APBA2: variants seen among roughly 807,000 people sequenced by gnomAD.
APBA2 encodes amyloid beta precursor protein binding family A member 2.
Under a neutral mutation model 75.0 loss-of-function variants are expected in APBA2, and 30 were observed. The ratio of observed to expected loss-of-function variants is 0.40; its 90% CI spans 0.30 to 0.54. The LOEUF (loss-of-function observed/expected upper bound fraction) is 0.54, where lower values mean the gene tolerates loss of function less well. Among genes scored for constraint, APBA2 ranks in the 20% least tolerant of loss-of-function variants. APBA2 has a pLI of 0.49. For synonymous variants in APBA2, 444 were observed against 409.6 expected, an observed-to-expected ratio of 1.08 and a Z score of -1.01; for missense variants, 801 against 1,016.1, an observed-to-expected ratio of 0.79 and a Z score of 2.88.
intron 2 of APBA2, among the ~76,000 whole-genome samples, chr15:28,982,841 C>G (rs992161366): frequency 2.0e-5 from 3 of 152,194 alleles, no homozygotes; most frequent in African/African-American, 7.2e-5. Context: ...TGGTGTCCAG[C>G]CTGCTCTATA....
rs1439249954 is a variant in APBA2 at position 29,117,271 on chromosome 15, A to G, written c.*138A>G. 1.4e-6 allele frequency: 1 copy of G among 732,566 alleles called. No individual in the cohort carries two copies. The highest frequency in any genetic ancestry group is 2.3e-6 in the Non-Finnish European group (1 of 426,802). 45.4% of individuals were successfully genotyped at this position (732,566 alleles called of 1,614,324 possible). A position where few individuals can be genotyped will look rare whatever the true frequency, so the allele number is the denominator to read the frequency against. Reference sequence around the variant, plus strand: ...CTGGCTCCCCAAAGGGTGTGCCCTCACCACCCACTTGATTTTTTTCATTTT... The same window carrying G: ...CTGGCTCCCCAAAGGGTGTGCCCTCGCCACCCACTTGATTTTTTTCATTTT... On this transcript the variant is annotated 3_prime_UTR_variant, in exon 15 of 15. Transcript: ENST00000683413.
chr15:29,087,862 G>A (rs1384758605), intron 6 of APBA2, among the ~76,000 whole-genome samples: 1 of 152,100 alleles, frequency 6.6e-6, no homozygotes, highest in Non-Finnish European at 1.5e-5. Context: ...TTGAGGCCAG[G>A]TCCCGTCTGC....
At chr15:28,941,012 C>T (rs1013956580) in intron 2 of APBA2, among the ~76,000 whole-genome samples, 15 of 152,152 alleles carry the variant, frequency 9.9e-5, no homozygotes, top group African/African-American at 3.6e-4. Flanking sequence ...GAAATGTATG[C>T]AGTATGTTTA....
intron 4 of APBA2, among the ~76,000 whole-genome samples, chr15:29,069,374 C>G (rs1234475983): frequency 6.6e-6 from 1 of 152,232 alleles, no homozygotes; most frequent in Non-Finnish European, 1.5e-5. Flanking sequence ...GGGTGTATCA[C>G]TAGGAGTGGA....
At chr15:29,043,935 C>T (rs2041177141) in intron 3 of APBA2, among the ~76,000 whole-genome samples, 1 of 152,162 alleles carries the variant, frequency 6.6e-6, no homozygotes, top group Admixed American at 6.6e-5. Context: ...GTCTGGAATG[C>T]TTGGGCTGAT....
chr15:29,115,658 A>G lies in APBA2; in HGVS notation c.2179-1404A>G, dbSNP rs561352440. 8.5e-5 allele frequency among the ~76,000 whole-genome samples: 13 copies of G among 152,288 alleles called. No individual in the cohort carries two copies. The South Asian group carries it at 1.2e-3, about 15-fold the overall frequency. The stretch of plus-strand genomic sequence containing the variant: ...CAGCAGCTCTGAGCCCACGCGGAAC[A>G]TGAGTCGCTGATAAACAAGGCTTGC... On this transcript the variant is annotated intron_variant, in intron 14 of 14. Transcript: ENST00000683413.
intron 3 of APBA2, among the ~76,000 whole-genome samples, chr15:29,030,188 G>A (rs1401745025): frequency 6.6e-6 from 1 of 152,188 alleles, no homozygotes; most frequent in Admixed American, 6.5e-5. Flanking sequence ...GACCGGGCCC[G>A]GTGGCTCACG....
intron 2 of APBA2, among the ~76,000 whole-genome samples, chr15:28,935,430 G>A (rs551313324): frequency 2.0e-5 from 3 of 151,936 alleles, no homozygotes; most frequent in South Asian, 4.2e-4. Context: ...GCTCACTGCC[G>A]CTGCTGTCTG....
intron 14 of APBA2, among the ~76,000 whole-genome samples, chr15:29,116,442 C>G (rs977207824): frequency 2.6e-5 from 4 of 151,910 alleles, no homozygotes; most frequent in Non-Finnish European, 1.5e-5. Context: ...CTGGCTAACA[C>G]GGTGAAACCC....
chr15:28,989,151 A>G (rs181621243), intron 2 of APBA2, among the ~76,000 whole-genome samples: 3 of 152,016 alleles, frequency 2.0e-5, no homozygotes, highest in Admixed American at 6.6e-5. Flanking sequence ...CTGTTTTCTT[A>G]TTGATCAATC....
In APBA2 at chr15:29,037,100, TTAAAA is replaced by T. The variant is rs371985401; in HGVS notation, c.-40-16741_-40-16737del. On this transcript the variant is annotated intron_variant, in intron 3 of 14. Transcript: ENST00000683413. ...TTATTTAAAATAAAAGTTAAATTGTTTAAAATAAGCTAGGAGAAACTTGCTACTTA... is the reference window on the plus strand; with the variant it reads ...TTATTTAAAATAAAAGTTAAATTGTTTAAGCTAGGAGAAACTTGCTACTTA... Among the ~76,000 whole-genome samples the T allele has an allele frequency of 7.3e-3, 1,109 of 152,296 alleles. 9 individuals carry two copies. The highest frequency in any genetic ancestry group is 0.025 in the African/African-American group (1,040 of 41,566).
At chr15:29,099,435 C>T (rs901027833) in intron 9 of APBA2, among the ~76,000 whole-genome samples, 1 of 152,208 alleles carries the variant, frequency 6.6e-6, no homozygotes, top group Non-Finnish European at 1.5e-5. Context: ...GCTGTGACAA[C>T]AGAGAAGTTG....
At chr15:28,929,186 TA>T (rs2034434987) in intron 2 of APBA2, among the ~76,000 whole-genome samples, 2 of 152,214 alleles carry the variant, frequency 1.3e-5, no homozygotes, top group Non-Finnish European at 2.9e-5. Flanking sequence ...TTTGATGGTT[TA>T]CTCAGTTGTC....
At chr15:28,899,129 C>T (rs1211117868) in intron 1 of APBA2, among the ~76,000 whole-genome samples, 1 of 152,242 alleles carries the variant, frequency 6.6e-6, no homozygotes, top group Admixed American at 6.5e-5. Flanking sequence ...GCATGGAGAA[C>T]TCATCGGGGG....
chr15:28,908,110 C>T (rs2033228652), intron 1 of APBA2, among the ~76,000 whole-genome samples: 2 of 152,134 alleles, frequency 1.3e-5, no homozygotes, highest in Admixed American at 1.3e-4. Flanking sequence ...TTTCCCGAGC[C>T]GTTGTCCCTG....
intron 3 of APBA2, among the ~76,000 whole-genome samples, chr15:28,997,697 G>A (rs965907506): frequency 2.0e-5 from 3 of 152,170 alleles, no homozygotes; most frequent in African/African-American, 7.2e-5. Context: ...ATTACATTCT[G>A]TTAGAGTCAT....
chr15:28,979,802 C>T (rs890492620), intron 2 of APBA2, among the ~76,000 whole-genome samples: 1 of 152,092 alleles, frequency 6.6e-6, no homozygotes, highest in Non-Finnish European at 1.5e-5. Flanking sequence ...ACCTCTGGGT[C>T]CTCATGCTCA....
rs1320803043 is a variant in APBA2, at chr15:29,059,303, T to C, written c.951+4468T>C. ...GATCCTAAGCACAGAATGGCTGCCA[T>C]GTGCCTTACATGTGCTAGAGAAGCT... is the stretch of plus-strand genomic sequence containing the variant. On this transcript the variant is annotated intron_variant, in intron 4 of 14. Coordinates refer to ENST00000683413, the MANE Select transcript of APBA2 (RefSeq NM_001353788.2). Among the ~76,000 whole-genome samples the C allele has an allele frequency of 4.6e-5, 7 of 152,164 alleles. No individual in the cohort carries two copies. The East Asian group carries it at 1.3e-3, about 29-fold the overall frequency.
Position 29,082,830 on chromosome 15 carries a change from G to A in APBA2, c.1069+6739G>A, listed in dbSNP as rs144789491. Among the ~76,000 whole-genome samples, 376 of 152,216 alleles carry A rather than the reference G, an allele frequency of 2.5e-3. 1 individual carries two copies. Among genetic ancestry groups the A allele is most frequent in the African/African-American group, 8.9e-3 (370 of 41,542 alleles). ...AATCCCAGCACTTTGGGAGGCCAAG[G>A]TGGGCAGGTCACCTGAGGTCAGGAG... On this transcript the variant is annotated intron_variant, in intron 6 of 14. Coordinates refer to ENST00000683413, the MANE Select transcript of APBA2 (RefSeq NM_001353788.2).
Sources: allele counts gnomAD v4.1 joint callset (sites outside exome capture counted in the v4.1 genomes callset), GRCh38; gene constraint gnomAD v4.1.1; transcripts MANE v1.5; gene names NCBI Gene and HGNC (gene_info 2026-07-23, HGNC 2026-07-21).